The following PTPRD variants were observed in gnomAD, a reference collection of about 807,000 sequenced individuals.
PTPRD encodes protein tyrosine phosphatase receptor type D, also known as receptor-type tyrosine-protein phosphatase delta.
A neutral mutation model predicts 214.5 loss-of-function variants in PTPRD; 34 were observed. The ratio of observed to expected loss-of-function variants is 0.16; its 90% CI spans 0.12 to 0.21. PTPRD has a LOEUF of 0.21. Among genes scored for constraint, PTPRD ranks in the 10% least tolerant of loss-of-function variants. The pLI is 1.00. For synonymous variants in PTPRD, 1,128 were observed against 845.7 expected (o/e 1.33, Z -5.79); for missense variants, 2,545 against 2,398.7 (o/e 1.06, Z -1.27).
chr9:9,768,007 A>G (rs1216221475), intron 5 of PTPRD, among the ~76,000 whole-genome samples: 1 of 152,184 alleles, frequency 6.6e-6, no homozygotes, highest in Non-Finnish European at 1.5e-5. Flanking sequence ...ATACAAGTGC[A>G]TCCATACATA....
intron 11 of PTPRD, among the ~76,000 whole-genome samples, chr9:8,920,921 C>A (rs1251773913): frequency 6.6e-6 from 1 of 152,214 alleles, no homozygotes; most frequent in Non-Finnish European, 1.5e-5. Flanking sequence ...TCAAGCGATT[C>A]TCCTGCCTCA....
chr9:10,415,753 G>C (rs551456391), intron 2 of PTPRD, among the ~76,000 whole-genome samples: 76 of 151,954 alleles, frequency 5.0e-4, no homozygotes, highest in African/African-American at 1.7e-3. Flanking sequence ...TGTGAAAGAA[G>C]ACAGATCAGA....
intron 3 of PTPRD, among the ~76,000 whole-genome samples, chr9:10,188,387 AT>A (rs898968477): frequency 3.9e-5 from 6 of 152,012 alleles, no homozygotes; most frequent in Admixed American, 6.6e-5. Context: ...CTGAATGAAA[AT>A]TCCTTCATCA....
At chr9:8,860,266 G>T (rs1476017096) in intron 11 of PTPRD, 1 of 152,178 alleles carries the variant, frequency 6.6e-6, no homozygotes, top group Non-Finnish European at 1.5e-5. Flanking sequence ...TGCTATCTGG[G>T]AACATAGTTG....
intron 2 of PTPRD, among the ~76,000 whole-genome samples, chr9:10,466,436 C>A (rs1338552590): frequency 1.3e-5 from 2 of 151,720 alleles, no homozygotes; most frequent in African/African-American, 4.8e-5. Flanking sequence ...CCAGCCTGAC[C>A]AACATGAAGA....
rs559448962 is a variant in PTPRD at position 9,744,777 on chromosome 9, G to C, written c.-325-10206C>G. Among the ~76,000 whole-genome samples, 13 of 152,146 alleles carry C rather than the reference G, an allele frequency of 8.5e-5. 1 individual carries two copies. The South Asian group carries it at 2.5e-3, about 29-fold the overall frequency. On this transcript the variant is annotated intron_variant, in intron 6 of 45. Coordinates refer to ENST00000381196, the MANE Select transcript of PTPRD (RefSeq NM_002839.4). ...TATGCTTGATAATTAGTAAGTGCTA[G>C]ATAAATACTATTAATATAATCCACA...
chr9:9,339,920 TC>T (rs2046119412), intron 9 of PTPRD, among the ~76,000 whole-genome samples: 1 of 152,168 alleles, frequency 6.6e-6, no homozygotes, highest in Non-Finnish European at 1.5e-5. Flanking sequence ...ATATGAAGAC[TC>T]TTTTTTACAT....
chr9:10,517,617 T>C (rs538736125), intron 2 of PTPRD, among the ~76,000 whole-genome samples: 52 of 152,140 alleles, frequency 3.4e-4, no homozygotes, highest in Non-Finnish European at 6.8e-4. Flanking sequence ...AGTATATATA[T>C]GAATGTATCA....
intron 2 of PTPRD, among the ~76,000 whole-genome samples, chr9:10,595,950 C>G (rs960580946): frequency 6.6e-6 from 1 of 151,702 alleles, no homozygotes; most frequent in African/African-American, 2.4e-5. Flanking sequence ...TTGCCTCCAC[C>G]CTTTAATCGT....
At chr9:9,576,783 C>A (rs1238328826) in intron 7 of PTPRD, among the ~76,000 whole-genome samples, 1 of 152,056 alleles carries the variant, frequency 6.6e-6, no homozygotes, top group African/African-American at 2.4e-5. Context: ...AAGGTTTTAA[C>A]ATTATAGCGC....
At chr9:9,673,608 T>G (rs762208292) in intron 7 of PTPRD, among the ~76,000 whole-genome samples, 2 of 151,526 alleles carry the variant, frequency 1.3e-5, no homozygotes, top group African/African-American at 4.8e-5. Flanking sequence ...ATATTGAGAA[T>G]AGATGAATGA....
chr9:10,121,416 T>C (rs919701635), intron 3 of PTPRD, among the ~76,000 whole-genome samples: 4 of 152,150 alleles, frequency 2.6e-5, no homozygotes, highest in African/African-American at 7.2e-5. Flanking sequence ...CAATATGGAA[T>C]TGATGTGGCC....
intron 3 of PTPRD, among the ~76,000 whole-genome samples, chr9:10,301,754 G>A (rs1167584103): frequency 2.6e-5 from 4 of 151,888 alleles, no homozygotes; most frequent in African/African-American, 9.7e-5. Flanking sequence ...AAAGACTCCA[G>A]GAAATATGGG....
Position 9,508,884 on chromosome 9 carries a change from C to A in PTPRD, c.-237+65848G>T, listed in dbSNP as rs114307651. Among the ~76,000 whole-genome samples, 358 of 151,642 alleles carry A rather than the reference C, an allele frequency of 2.4e-3. 1 individual carries two copies. The highest frequency in any genetic ancestry group is 8.2e-3 in the African/African-American group (338 of 41,464). On this transcript the variant is annotated intron_variant, in intron 8 of 45. Transcript: ENST00000381196. ...TAACAAGGCATTATGTGGTGGCCCT[C>A]TTATGTATGCTCAAAGAGTCTGTAT...
At chr9:10,584,821 C>A (rs1312365336) in intron 2 of PTPRD, among the ~76,000 whole-genome samples, 1 of 152,136 alleles carries the variant, frequency 6.6e-6, no homozygotes, top group East Asian at 1.9e-4. Flanking sequence ...AAGTATCTGA[C>A]TCCAGTTGTT....
rs564266135 is a variant in PTPRD at position 9,656,997 on chromosome 9, G to C, written c.-287+77536C>G. Among the ~76,000 whole-genome samples, 5 of 152,148 alleles carry C rather than the reference G, an allele frequency of 3.3e-5. No homozygotes were observed. The East Asian group carries it at 9.7e-4, about 29-fold the overall frequency. ...TAAATGAGAAGACAAAAGTATGCAA[G>C]AGTTTAGCATCATGTTTGATGTGTA... is the stretch of plus-strand genomic sequence containing the variant. On this transcript the variant is annotated intron_variant, in intron 7 of 45. Transcript: ENST00000381196.
chr9:9,706,682 C>T (rs555848436), intron 7 of PTPRD, among the ~76,000 whole-genome samples: 87 of 152,088 alleles, frequency 5.7e-4, no homozygotes, highest in African/African-American at 2.0e-3. Flanking sequence ...TCAGGTGATC[C>T]GTCTGCCTCA....
At chr9:8,977,405 A>G (rs1052709965) in intron 11 of PTPRD, among the ~76,000 whole-genome samples, 1 of 152,064 alleles carries the variant, frequency 6.6e-6, no homozygotes, top group Admixed American at 6.6e-5. Context: ...GTATTTCTAA[A>G]TTATCTTGTT....
At chr9:8,795,073 G>C (rs1420254261) in intron 11 of PTPRD, among the ~76,000 whole-genome samples, 1 of 151,920 alleles carries the variant, frequency 6.6e-6, no homozygotes, top group African/African-American at 2.4e-5. Context: ...CAAATCTTCC[G>C]CATTCATTTA....
Sources: gnomAD v4.1 joint callset for allele counts (sites outside exome capture counted in the v4.1 genomes callset) on GRCh38, gnomAD v4.1.1 for gene constraint, MANE v1.5 for transcripts, NCBI Gene and HGNC (gene_info 2026-07-23, HGNC 2026-07-21) for gene names.